The following ADCK1 variants were observed in gnomAD, a reference collection of about 807,000 sequenced individuals.
ADCK1 encodes the protein aarF domain containing kinase 1, also known as aarF domain-containing protein kinase 1.
A neutral mutation model predicts 52.3 loss-of-function variants in ADCK1; 41 were observed. The observed-to-expected ratio is 0.78, with a 90% CI of 0.61 to 1.02. The LOEUF is 1.02. ADCK1 is among the 50% of genes least tolerant of loss of function. ADCK1 has a pLI of 0.00. For missense variants in ADCK1, 658 were observed against 679.5 expected (o/e 0.97, Z 0.35); for synonymous variants, 250 against 274.6 (o/e 0.91, Z 0.89).
intron 3 of ADCK1, among the ~76,000 whole-genome samples, chr14:77,846,678 G>C (rs2082178983): frequency 6.6e-6 from 1 of 152,206 alleles, no homozygotes. Context: ...CAGAGTGGGG[G>C]CTGGTGGGAA....
chr14:77,813,467 C>T (rs1292703565), intron 1 of ADCK1, among the ~76,000 whole-genome samples: 2 of 152,144 alleles, frequency 1.3e-5, no homozygotes, highest in Non-Finnish European at 2.9e-5. Flanking sequence ...TGCATCACTA[C>T]GCCCAGCTAA....
chr14:77,877,175 A>C (rs2082919268), intron 4 of ADCK1, among the ~76,000 whole-genome samples: 1 of 152,200 alleles, frequency 6.6e-6, no homozygotes, highest in African/African-American at 2.4e-5. Flanking sequence ...AGATCATGCC[A>C]CTGCACTCCA....
At chr14:77,869,651 T>A (rs994690095) in intron 4 of ADCK1, among the ~76,000 whole-genome samples, 1 of 152,172 alleles carries the variant, frequency 6.6e-6, no homozygotes, top group Non-Finnish European at 1.5e-5. Context: ...GTTGTAAGGA[T>A]CTTAACTCCA....
At chr14:77,931,812 G>A (rs1422329323) in intron 10 of ADCK1, 101 bp downstream of exon 10, 2 of 1,254,932 alleles carry the variant, frequency 1.6e-6, no homozygotes, top group Non-Finnish European at 2.2e-6. Context: ...ACAGGGCCCT[G>A]CCTGAGCTTC....
chr14:77,889,792 G>C (rs1401923684), intron 5 of ADCK1, among the ~76,000 whole-genome samples: 1 of 151,400 alleles, frequency 6.6e-6, no homozygotes, highest in African/African-American at 2.4e-5. Context: ...CTGGAATCCA[G>C]GCTGGAATAC....
At chr14:77,852,665 ATATATATATAT>A (rs559798727) in intron 3 of ADCK1, among the ~76,000 whole-genome samples, 32,296 of 88,564 alleles carry the variant, frequency 0.36, 5,900 homozygotes, top group East Asian at 0.56. Context: ...AAATAAATAT[ATATATATATAT>A]ATATATATAT....
intron 7 of ADCK1, among the ~76,000 whole-genome samples, chr14:77,908,800 C>G (rs2083725303): frequency 6.6e-6 from 1 of 152,146 alleles, no homozygotes; most frequent in Admixed American, 6.5e-5. Context: ...ACATCTAAAT[C>G]CTTGCTGTAT....
In ADCK1 at chr14:77,887,167, TGCATGATGG is replaced by T; in HGVS notation, c.503_511del (p.His168_Gly170del). Reference sequence around the variant, plus strand: ...CTGGCCCAGGTCCACAAGGCAGTGCTGCATGATGGGCGGACGGTGGCCGTGAAGGTCCAG... The same window carrying T: ...CTGGCCCAGGTCCACAAGGCAGTGCTGCGGACGGTGGCCGTGAAGGTCCAG... On this transcript the variant is annotated inframe_deletion, in exon 5 of 11. Transcript: ENST00000238561. 6.2e-7 allele frequency: 1 copy of T among 1,610,740 alleles called. No homozygotes were observed. The highest frequency in any genetic ancestry group is 8.5e-7 in the Non-Finnish European group (1 of 1,178,412).
intron 3 of ADCK1, among the ~76,000 whole-genome samples, chr14:77,828,717 G>T (rs1249360050): frequency 2.0e-5 from 3 of 152,042 alleles, no homozygotes; most frequent in Non-Finnish European, 2.9e-5. Context: ...AGTAGAGACG[G>T]GGTTTCACTA....
intron 1 of ADCK1, among the ~76,000 whole-genome samples, chr14:77,814,742 CTCA>C (rs1018730768): frequency 6.7e-6 from 1 of 148,722 alleles, no homozygotes; most frequent in Non-Finnish European, 1.5e-5. Flanking sequence ...AAGTGTGGCT[CTCA>C]AACTTGAGCT....
chr14:77,817,928 C>T (rs1007959203), intron 1 of ADCK1, among the ~76,000 whole-genome samples: 9 of 150,476 alleles, frequency 6.0e-5, no homozygotes, highest in Admixed American at 2.0e-4. Flanking sequence ...TTAGTAGAGA[C>T]GGGGTTTCAT....
chr14:77,820,678 A>G (rs1038796297), intron 2 of ADCK1, among the ~76,000 whole-genome samples: 3 of 151,394 alleles, frequency 2.0e-5, no homozygotes, highest in Non-Finnish European at 4.4e-5. Flanking sequence ...GTATACACAC[A>G]TATATGGTTG....
chr14:77,876,950 C>T (rs903909547), intron 4 of ADCK1, among the ~76,000 whole-genome samples: 3 of 152,230 alleles, frequency 2.0e-5, no homozygotes, highest in African/African-American at 7.2e-5. Flanking sequence ...TGCAGTGGCT[C>T]ACGCCTGTAA....
intron 7 of ADCK1, among the ~76,000 whole-genome samples, chr14:77,910,131 G>A (rs1595072401): frequency 6.6e-6 from 1 of 152,260 alleles, no homozygotes; most frequent in South Asian, 2.1e-4. Context: ...CAAGGGCCTT[G>A]GGGTGTGTGG....
intron 6 of ADCK1, among the ~76,000 whole-genome samples, chr14:77,900,084 A>AG (rs59522737): frequency 6.7e-6 from 1 of 149,128 alleles, no homozygotes. Flanking sequence ...AAAAAAAAAA[A>AG]AGAAAATTCA....
intron 3 of ADCK1, among the ~76,000 whole-genome samples, chr14:77,852,905 ATATTTTTTTTTTTTT>A (rs1449725194): frequency 7.0e-5 from 2 of 28,448 alleles, no homozygotes; most frequent in Non-Finnish European, 1.3e-4. Context: ...ATATATATAT[ATATTTTTTTTTTTTT>A]TTTTTTTTTT....
intron 7 of ADCK1, among the ~76,000 whole-genome samples, chr14:77,911,563 G>C (rs565336071): frequency 6.6e-6 from 1 of 152,054 alleles, no homozygotes; most frequent in Admixed American, 6.6e-5. Context: ...CTGTTTTATC[G>C]TACCCATCTC....
chr14:77,889,544 T>C (rs778705512), intron 5 of ADCK1, among the ~76,000 whole-genome samples: 25 of 152,156 alleles, frequency 1.6e-4, no homozygotes, highest in Non-Finnish European at 3.1e-4. Context: ...GCAGATGCTG[T>C]TTGAGGCAGA....
chr14:77,837,752 T>C (rs2140080474), intron 3 of ADCK1, among the ~76,000 whole-genome samples: 1 of 152,332 alleles, frequency 6.6e-6, no homozygotes, highest in Non-Finnish European at 1.5e-5. Context: ...AGTGTTTTTT[T>C]CTCTACCTCT....
Sources: gnomAD v4.1 joint callset for allele counts (sites outside exome capture counted in the v4.1 genomes callset) on GRCh38, gnomAD v4.1.1 for gene constraint, MANE v1.5 for transcripts, NCBI Gene and HGNC (gene_info 2026-07-23, HGNC 2026-07-21) for gene names.